DTWD2: variants seen among roughly 807,000 people sequenced by gnomAD.
DTWD2 encodes the protein tRNA-uridine aminocarboxypropyltransferase 2.
A neutral mutation model predicts 31.8 loss-of-function variants in DTWD2; 39 were observed. The observed-to-expected ratio is 1.22, with a 90% CI of 0.95 to 1.60. The LOEUF (loss-of-function observed/expected upper bound fraction) is 1.60. Ranked by LOEUF, DTWD2 falls within the 40% of genes most tolerant of loss-of-function variation. DTWD2 has a pLI of 0.00. For synonymous variants in DTWD2, 180 were observed against 142.8 expected (o/e 1.26, Z -1.86); for missense variants, 515 against 381.5 (o/e 1.35, Z -2.92).
At chr5:118,921,356 T>C (rs1580807339) in intron 4 of DTWD2, among the ~76,000 whole-genome samples, 1 of 151,004 alleles carries the variant, frequency 6.6e-6, no homozygotes, top group Non-Finnish European at 1.5e-5. Flanking sequence ...TTAAAAAAAG[T>C]GTTTAAAAAT....
At chr5:118,944,460 G>A in intron 2 of DTWD2, 99 bp downstream of exon 2, 1 of 1,238,716 alleles carries the variant, frequency 8.1e-7, no homozygotes, top group Non-Finnish European at 1.1e-6. Context: ...CTTCTTTTCA[G>A]AAATGCTAAA....
intron 4 of DTWD2, among the ~76,000 whole-genome samples, chr5:118,881,763 G>A (rs757014559): frequency 7.9e-5 from 12 of 152,086 alleles, no homozygotes; most frequent in African/African-American, 1.7e-4. Context: ...ATCAGATCTC[G>A]TAAGAAATCC....
intron 4 of DTWD2, among the ~76,000 whole-genome samples, chr5:118,849,269 G>GA (rs1425336667): frequency 6.6e-6 from 1 of 151,978 alleles, no homozygotes; most frequent in African/African-American, 2.4e-5. Flanking sequence ...ACAAACATAA[G>GA]AAAAAAATCT....
chr5:118,867,441 CTT>C (rs1262957451), intron 4 of DTWD2, among the ~76,000 whole-genome samples: 1 of 152,084 alleles, frequency 6.6e-6, no homozygotes, highest in Non-Finnish European at 1.5e-5. Context: ...TATCCTACAC[CTT>C]TTTAGCAAGA....
chr5:118,860,891 A>G (rs1014334512), intron 4 of DTWD2, among the ~76,000 whole-genome samples: 8 of 152,190 alleles, frequency 5.3e-5, no homozygotes, highest in African/African-American at 1.9e-4. Context: ...TTTGCATTAT[A>G]TAAGTCGCAA....
intron 4 of DTWD2, 105 bp from the exon 5 acceptor site, chr5:118,848,323 TAGA>T (rs1176377233): frequency 7.0e-6 from 7 of 1,002,388 alleles, no homozygotes; most frequent in Non-Finnish European, 9.9e-6. Context: ...GCCAGCAGCT[TAGA>T]AGTACTAAAT....
At chr5:118,869,118 A>ATGGTGGTGGTGG (rs371732780) in intron 4 of DTWD2, among the ~76,000 whole-genome samples, 2 of 151,598 alleles carry the variant, frequency 1.3e-5, no homozygotes, top group Non-Finnish European at 2.9e-5. Flanking sequence ...GCGAAAATGG[A>ATGGTGGTGGTGG]TGGTGGTGGT....
At chr5:118,871,277 A>G (rs1654148642) in intron 4 of DTWD2, among the ~76,000 whole-genome samples, 1 of 152,214 alleles carries the variant, frequency 6.6e-6, no homozygotes, top group African/African-American at 2.4e-5. Context: ...CCTCAAAGTC[A>G]TCCACGAGAG....
chr5:118,942,898 A>G (rs2149585482), intron 2 of DTWD2, among the ~76,000 whole-genome samples: 1 of 152,068 alleles, frequency 6.6e-6, no homozygotes. Context: ...AAACTCCTGT[A>G]CAGAAGGGAT....
chr5:118,888,776 C>A (rs958571131), intron 4 of DTWD2, among the ~76,000 whole-genome samples: 19 of 152,148 alleles, frequency 1.2e-4, no homozygotes, highest in Admixed American at 1.2e-3. Flanking sequence ...CATGGCATGA[C>A]AGCTTTTAAT....
At chr5:118,975,485 C>A (rs535189121) in intron 1 of DTWD2, among the ~76,000 whole-genome samples, 15 of 152,028 alleles carry the variant, frequency 9.9e-5, no homozygotes, top group Admixed American at 9.8e-4. Context: ...TCCTTTAGCT[C>A]GGAGGAATTT....
rs184726128 is a variant in DTWD2, at chr5:118,953,598, T to C, written c.219-8949A>G. The stretch of plus-strand genomic sequence containing the variant: ...CTATAAAGACCCTATGGGGACACCA[T>C]ACTTTGGACTTCCCTAAATTGGAAC... On this transcript the variant is annotated intron_variant, in intron 1 of 5. Coordinates refer to ENST00000510708, the MANE Select transcript of DTWD2 (RefSeq NM_173666.4). 1.1e-4 allele frequency among the ~76,000 whole-genome samples: 16 copies of C among 152,330 alleles called. 1 individual carries two copies. Among genetic ancestry groups the C allele is most frequent in the Admixed American group, 3.3e-4 (5 of 15,312 alleles).
chr5:118,936,496 T>C (rs375412903), intron 3 of DTWD2, among the ~76,000 whole-genome samples: 6 of 151,808 alleles, frequency 4.0e-5, no homozygotes, highest in African/African-American at 1.4e-4. Context: ...AATTTATAGA[T>C]TTACAGCTGA....
At position 118,837,106 on chromosome 5, in the gene DTWD2, A is replaced by G. The variant is rs1751589403; in HGVS notation, c.*3811T>C. On this transcript the variant is annotated 3_prime_UTR_variant, in exon 6 of 6. Coordinates refer to ENST00000510708, the MANE Select transcript of DTWD2 (RefSeq NM_173666.4). ...TAAATAACAACAGCTAGTACATACA[A>G]TAAGAATAGTATAAAAGGGAAGGGG... 1.3e-5 allele frequency among the ~76,000 whole-genome samples: 2 copies of G among 152,204 alleles called. No homozygotes were observed. The highest frequency in any genetic ancestry group is 1.3e-4 in the Admixed American group (2 of 15,270).
At chr5:118,884,996 CAAAAA>C (rs36042211) in intron 4 of DTWD2, among the ~76,000 whole-genome samples, 3 of 49,750 alleles carry the variant, frequency 6.0e-5, no homozygotes, top group South Asian at 7.3e-4. Context: ...ACTCCATCTC[CAAAAA>C]AAAAAAAAAA....
intron 4 of DTWD2, among the ~76,000 whole-genome samples, chr5:118,853,687 G>C (rs1752065411): frequency 6.6e-6 from 1 of 152,186 alleles, no homozygotes; most frequent in African/African-American, 2.4e-5. Context: ...ATAATTGGGA[G>C]CTAAACAATG....
intron 4 of DTWD2, among the ~76,000 whole-genome samples, chr5:118,879,588 C>T (rs557172824): frequency 1.6e-4 from 21 of 131,180 alleles, no homozygotes; most frequent in South Asian, 7.2e-4. Context: ...CCAGCCTGGG[C>T]GACAGAGCGA....
chr5:118,981,242 G>A (rs1755292838), intron 1 of DTWD2, among the ~76,000 whole-genome samples: 1 of 152,144 alleles, frequency 6.6e-6, no homozygotes, highest in Non-Finnish European at 1.5e-5. Flanking sequence ...TTGGGATGAT[G>A]AAAAGGTTTG....
At chr5:118,891,560 T>C (rs1296004894) in intron 4 of DTWD2, among the ~76,000 whole-genome samples, 1 of 152,194 alleles carries the variant, frequency 6.6e-6, no homozygotes, top group East Asian at 1.9e-4. Context: ...CTGAATAATG[T>C]ACTCCTCTGA....
Sources: allele counts gnomAD v4.1 joint callset (sites outside exome capture counted in the v4.1 genomes callset), GRCh38; gene constraint gnomAD v4.1.1; transcripts MANE v1.5; gene names NCBI Gene and HGNC (gene_info 2026-07-23, HGNC 2026-07-21).